The following MAF variants were observed in gnomAD, a reference collection of about 807,000 sequenced individuals.
MAF encodes the protein MAF bZIP transcription factor.
A neutral mutation model predicts 22.0 loss-of-function variants in MAF; 10 were observed. The ratio of observed to expected loss-of-function variants is 0.45; its 90% CI spans 0.28 to 0.77. MAF has a LOEUF of 0.77. Ranked by LOEUF, MAF falls within the 30% of genes least tolerant of loss-of-function variation. The probability of loss-of-function intolerance (pLI) is 0.12; values close to 1 mark genes in which losing one functional copy is unlikely to be tolerated. For missense variants in MAF, 544 were observed against 548.4 expected (o/e 0.99, Z 0.08); for synonymous variants, 337 against 255.8 (o/e 1.32, Z -3.03).
At chr16:79,212,696 ATGTTTGTTTCAGTTTG>A in the MAF span, 1 of 152,158 alleles carries the variant, frequency 6.6e-6, no homozygotes, top group African/African-American at 2.4e-5. Context: ...GTTTCTTTAA[ATGTTTGTTTCAGTTTG>A]TTTTTGTTTT....
chr16:79,311,284 G>T, the MAF span, among the ~76,000 whole-genome samples: 1 of 151,862 alleles, frequency 6.6e-6, no homozygotes, highest in East Asian at 1.9e-4. Flanking sequence ...CTCTAAACCA[G>T]CTTGAGTTTG....
At chr16:79,467,788 C>T in the MAF span, among the ~76,000 whole-genome samples, 2 of 152,062 alleles carry the variant, frequency 1.3e-5, no homozygotes, top group East Asian at 3.9e-4. Context: ...AGTGTTATTC[C>T]CTTCTTGTTA....
chr16:79,392,671 T>C, the MAF span, among the ~76,000 whole-genome samples: 1 of 152,104 alleles, frequency 6.6e-6, no homozygotes, highest in Non-Finnish European at 1.5e-5. Context: ...GGATTCAGAT[T>C]TGTTAGGAAG....
chr16:79,490,896 G>A, the MAF span, among the ~76,000 whole-genome samples: 1 of 152,198 alleles, frequency 6.6e-6, no homozygotes, highest in Non-Finnish European at 1.5e-5. Context: ...GGAGAAGGAA[G>A]AGGCGGGGTG....
chr16:79,367,419 G>A, the MAF span, among the ~76,000 whole-genome samples: 64 of 152,274 alleles, frequency 4.2e-4, no homozygotes, highest in Admixed American at 7.2e-4. Flanking sequence ...GAAAGACACC[G>A]TTACAGGGCT....
the MAF span, among the ~76,000 whole-genome samples, chr16:79,565,589 G>T: frequency 1.3e-5 from 2 of 152,088 alleles, no homozygotes; most frequent in Admixed American, 1.3e-4. Context: ...GTTCTCATGA[G>T]ATCTGATGCT....
the MAF span, among the ~76,000 whole-genome samples, chr16:79,523,079 C>T: frequency 6.6e-6 from 1 of 152,192 alleles, no homozygotes; most frequent in Non-Finnish European, 1.5e-5. Context: ...AGGTATTTCT[C>T]TCCTGGCATC....
the MAF span, chr16:79,229,484 C>G: frequency 0.068 from 10,293 of 152,210 alleles, 548 homozygotes; most frequent in Middle Eastern, 0.16. Flanking sequence ...GAGGGACCGC[C>G]TGTCCTGGCA....
At chr16:79,337,962 G>A in the MAF span, among the ~76,000 whole-genome samples, 1 of 152,100 alleles carries the variant, frequency 6.6e-6, no homozygotes, top group Non-Finnish European at 1.5e-5. Flanking sequence ...CTTCTTGTAT[G>A]CACTTCAGAT....
At chr16:79,540,561 G>A in the MAF span, among the ~76,000 whole-genome samples, 2 of 152,164 alleles carry the variant, frequency 1.3e-5, no homozygotes, top group African/African-American at 4.8e-5. Context: ...CCCTGCTCAT[G>A]GTCAACAATG....
chr16:79,258,899 G>A, the MAF span, among the ~76,000 whole-genome samples: 27 of 152,252 alleles, frequency 1.8e-4, no homozygotes, highest in Non-Finnish European at 2.8e-4. Context: ...GACTAGGGGA[G>A]GGAGGGTAGA....
the MAF span, among the ~76,000 whole-genome samples, chr16:79,347,801 C>A: frequency 3.9e-5 from 6 of 152,278 alleles, no homozygotes; most frequent in East Asian, 5.8e-4. Context: ...AGTCACCGGT[C>A]ATGTTACCCC....
At chr16:79,526,177 C>A in the MAF span, among the ~76,000 whole-genome samples, 1 of 152,182 alleles carries the variant, frequency 6.6e-6, no homozygotes, top group Admixed American at 6.5e-5. Flanking sequence ...AGTCCCCAAT[C>A]TTTTTGGCAC....
the MAF span, among the ~76,000 whole-genome samples, chr16:79,474,202 T>A: frequency 6.6e-6 from 1 of 152,128 alleles, no homozygotes; most frequent in African/African-American, 2.4e-5. Context: ...TACCCCCTCC[T>A]CCAAATCTCT....
chr16:79,512,891 T>C, the MAF span, among the ~76,000 whole-genome samples: 2 of 152,210 alleles, frequency 1.3e-5, no homozygotes, highest in Admixed American at 6.5e-5. Context: ...ACGTGCTGTA[T>C]ACCTGTATAG....
At chr16:79,388,575 T>C in the MAF span, among the ~76,000 whole-genome samples, 37 of 152,332 alleles carry the variant, frequency 2.4e-4, no homozygotes, top group South Asian at 4.6e-3. Flanking sequence ...AAAGCAGTGC[T>C]CTCTCTCTAT....
chr16:79,393,923 T>C, the MAF span, among the ~76,000 whole-genome samples: 1 of 152,366 alleles, frequency 6.6e-6, no homozygotes. Flanking sequence ...TGTATGCTTT[T>C]AAGTATTTCC....
chr16:79,500,361 C>T, the MAF span, among the ~76,000 whole-genome samples: 3 of 152,176 alleles, frequency 2.0e-5, no homozygotes, highest in East Asian at 5.8e-4. Flanking sequence ...GGTATGTGCT[C>T]TTTGGGGTTA....
chr16:79,430,181 G>C, the MAF span, among the ~76,000 whole-genome samples: 2 of 152,152 alleles, frequency 1.3e-5, no homozygotes, highest in Admixed American at 6.5e-5. Flanking sequence ...ACGGTAATTG[G>C]AAAGGAAAGA....
Sources: gnomAD v4.1 joint callset for allele counts (sites outside exome capture counted in the v4.1 genomes callset) on GRCh38, gnomAD v4.1.1 for gene constraint, MANE v1.5 for transcripts, NCBI Gene and HGNC (gene_info 2026-07-23, HGNC 2026-07-21) for gene names.